The following ZFAT variants were observed in gnomAD, a reference collection of about 807,000 sequenced individuals.
The protein encoded by ZFAT is zinc finger and AT-hook domain containing.
Under a neutral mutation model 117.7 loss-of-function variants are expected in ZFAT, and 64 were observed. That is an observed-to-expected ratio of 0.54 (90% CI 0.44 to 0.67). ZFAT has a LOEUF of 0.67. Ranked by LOEUF, ZFAT falls within the 30% of genes least tolerant of loss-of-function variation. The probability of loss-of-function intolerance (pLI) is 0.00; values close to 1 mark genes in which losing one functional copy is unlikely to be tolerated. For synonymous variants in ZFAT, 679 were observed against 615.0 expected, an observed-to-expected ratio of 1.10 and a Z score of -1.54; for missense variants, 1,433 against 1,584.5, an observed-to-expected ratio of 0.90 and a Z score of 1.62.
At chr8:134,575,203 C>T (rs1825208980) in intron 10 of ZFAT, among the ~76,000 whole-genome samples, 1 of 152,114 alleles carries the variant, frequency 6.6e-6, no homozygotes, top group Non-Finnish European at 1.5e-5. Flanking sequence ...ATCCCCAGAA[C>T]CTATACATGC....
At chr8:134,768,818 C>T in the ZFAT span, among the ~76,000 whole-genome samples, 1 of 152,188 alleles carries the variant, frequency 6.6e-6, no homozygotes, top group Non-Finnish European at 1.5e-5. Flanking sequence ...TTTTCAAAAC[C>T]AATCATCCCT....
chr8:134,662,862 G>A (rs1346566249), intron 1 of ZFAT, among the ~76,000 whole-genome samples: 1 of 152,272 alleles, frequency 6.6e-6, no homozygotes, highest in Non-Finnish European at 1.5e-5. Context: ...TAGCCTGCAA[G>A]GCAGCCTCTT....
chr8:134,684,406 T>C (rs868448682), intron 1 of ZFAT, among the ~76,000 whole-genome samples: 9 of 152,326 alleles, frequency 5.9e-5, no homozygotes, highest in African/African-American at 1.9e-4. Flanking sequence ...GATCTCCATC[T>C]TACAGGAGGA....
rs183351746 is a variant in ZFAT at position 134,549,301 on chromosome 8, C to A, written c.2976+16032G>T. ...CTAAAAATACAAAAAATTAGCCAGGCGTGGGGGCAGGCACCTGTACTCCCA... is the reference window on the plus strand; with the variant it reads ...CTAAAAATACAAAAAATTAGCCAGGAGTGGGGGCAGGCACCTGTACTCCCA... On this transcript the variant is annotated intron_variant, in intron 11 of 15. Coordinates refer to ENST00000377838, the MANE Select transcript of ZFAT (RefSeq NM_020863.4). Among the ~76,000 whole-genome samples, 14 of 152,104 alleles carry A rather than the reference C, an allele frequency of 9.2e-5. No homozygotes were observed. In the East Asian group the frequency reaches 2.5e-3, roughly 27 times the overall value.
intron 1 of ZFAT, chr8:134,696,621 T>C (rs916786311): frequency 2.0e-6 from 2 of 986,134 alleles, no homozygotes; most frequent in Non-Finnish European, 2.4e-6. Context: ...TTCTCTCCAA[T>C]ACAGCCACAG....
intron 2 of ZFAT, among the ~76,000 whole-genome samples, chr8:134,650,710 T>C (rs1463869152): frequency 2.6e-5 from 4 of 152,216 alleles, no homozygotes; most frequent in Non-Finnish European, 5.9e-5. Flanking sequence ...AGAAGAGACG[T>C]ATTGATCAAT....
At chr8:134,701,287 G>A (rs1162229924) in intron 1 of ZFAT, among the ~76,000 whole-genome samples, 1 of 152,148 alleles carries the variant, frequency 6.6e-6, no homozygotes, top group Non-Finnish European at 1.5e-5. Flanking sequence ...GTCTTTTTGT[G>A]ACTATCTTAT....
At chr8:134,792,386 G>C in the ZFAT span, 1 of 152,178 alleles carries the variant, frequency 6.6e-6, no homozygotes, top group African/African-American at 2.4e-5. Flanking sequence ...TGTTCAGGAA[G>C]TATTAGCCTT....
At chr8:134,680,847 A>C (rs1833039489) in intron 1 of ZFAT, among the ~76,000 whole-genome samples, 1 of 152,254 alleles carries the variant, frequency 6.6e-6, no homozygotes, top group African/African-American at 2.4e-5. Context: ...TGTATATTTT[A>C]TATTTATTTT....
the ZFAT span, among the ~76,000 whole-genome samples, chr8:134,805,174 G>GT: frequency 6.6e-6 from 1 of 152,120 alleles, no homozygotes; most frequent in Non-Finnish European, 1.5e-5. Flanking sequence ...ATTTATCTTG[G>GT]TAAGTATGAA....
intron 7 of ZFAT, chr8:134,599,311 G>A (rs570277853): frequency 3.1e-5 from 5 of 161,500 alleles, no homozygotes; most frequent in African/African-American, 4.8e-5. Context: ...GTGTGTGTGT[G>A]CGCGCGCATG....
intron 15 of ZFAT, among the ~76,000 whole-genome samples, chr8:134,479,151 C>A (rs944525214): frequency 3.3e-5 from 5 of 152,204 alleles, no homozygotes; most frequent in African/African-American, 1.2e-4. Context: ...GATAAAGGCA[C>A]TACGTCTATC....
chr8:134,734,568 T>C, the ZFAT span, among the ~76,000 whole-genome samples: 3 of 152,102 alleles, frequency 2.0e-5, no homozygotes, highest in African/African-American at 7.2e-5. Flanking sequence ...CGTGGCACAG[T>C]GTGGTGGGTG....
Position 134,631,724 on chromosome 8 carries a change from C to A in ZFAT, c.448+5737G>T, listed in dbSNP as rs1176328286. Among the ~76,000 whole-genome samples, 7 of 152,266 alleles carry A rather than the reference C, an allele frequency of 4.6e-5. No homozygotes were observed. In the East Asian group the frequency reaches 1.4e-3, roughly 29 times the overall value. On this transcript the variant is annotated intron_variant, in intron 3 of 15. Transcript: ENST00000377838. ...TCTGCCTCCTGGTGGTGAGCACAGG[C>A]CATACTTGTGAGTGGCAAATTGGCA...
chr8:134,548,198 A>C (rs924509369), intron 11 of ZFAT, among the ~76,000 whole-genome samples: 2 of 152,240 alleles, frequency 1.3e-5, no homozygotes, highest in Admixed American at 6.5e-5. Context: ...AGGTGCTGGG[A>C]GTAAGACAAA....
intron 3 of ZFAT, among the ~76,000 whole-genome samples, chr8:134,633,087 T>C (rs1829993688): frequency 6.6e-6 from 1 of 151,834 alleles, no homozygotes; most frequent in Non-Finnish European, 1.5e-5. Flanking sequence ...ATGTAAAATA[T>C]GCCCTATTTG....
chr8:134,565,300 G>A, intron 11 of ZFAT, 33 bp downstream of exon 11: 1 of 1,610,472 alleles, frequency 6.2e-7, no homozygotes, highest in Non-Finnish European at 8.5e-7. Flanking sequence ...TTTTTTGTCT[G>A]AACATCTGCC....
the ZFAT span, among the ~76,000 whole-genome samples, chr8:134,817,352 C>T: frequency 1.6e-4 from 24 of 150,942 alleles, no homozygotes; most frequent in African/African-American, 4.9e-4. Context: ...ACCACAATCA[C>T]GAGCCAATTT....
chr8:134,699,882 G>A (rs1384594320), intron 1 of ZFAT, among the ~76,000 whole-genome samples: 2 of 152,218 alleles, frequency 1.3e-5, no homozygotes, highest in East Asian at 3.8e-4. Context: ...AAGGCACCGG[G>A]GCAGGAGCCT....
Sources: allele counts gnomAD v4.1 joint callset (sites outside exome capture counted in the v4.1 genomes callset), GRCh38; gene constraint gnomAD v4.1.1; transcripts MANE v1.5; gene names NCBI Gene and HGNC (gene_info 2026-07-23, HGNC 2026-07-21).